Variants in LIPI observed in about 807,000 individuals in gnomAD.
LIPI encodes the protein lipase member I.
LIPI carries 59 observed loss-of-function variants against 50.6 expected under a neutral mutation model. The observed-to-expected ratio is 1.16, with a 90% confidence interval of 0.94 to 1.45. The LOEUF (loss-of-function observed/expected upper bound fraction) is 1.45. LIPI is among the 40% of genes most tolerant of loss of function. LIPI has a pLI of 0.00. For missense variants in LIPI, 586 were observed against 536.3 expected (o/e 1.09, Z -0.92); for synonymous variants, 203 against 178.2 (o/e 1.14, Z -1.11).
chr21:14,179,346 G>A (rs1398927045), intron 4 of LIPI, among the ~76,000 whole-genome samples: 1 of 151,996 alleles, frequency 6.6e-6, no homozygotes, highest in African/African-American at 2.4e-5. Context: ...AGGTACATAT[G>A]CAGCATCAAA....
rs142933205 is a variant in LIPI at position 14,204,550 on chromosome 21, C to T, written c.46+6250G>A. 8.6e-5 allele frequency among the ~76,000 whole-genome samples: 13 copies of T among 151,910 alleles called. No homozygotes were observed. The East Asian group carries it at 1.9e-3, about 23-fold the overall frequency. ...GAAACTGTATAAGAAAAATAAATGA[C>T]ATTTTGAAGATAATAGGACCATGAT... On this transcript the variant is annotated intron_variant, in intron 1 of 9. Coordinates refer to ENST00000681601, the MANE Select transcript of LIPI (RefSeq NM_001302998.2).
intron 9 of LIPI, among the ~76,000 whole-genome samples, chr21:14,123,833 G>A (rs1245948250): frequency 6.6e-6 from 1 of 152,166 alleles, no homozygotes; most frequent in Non-Finnish European, 1.5e-5. Context: ...TCAAATGAGA[G>A]ACACTATATA....
intron 9 of LIPI, among the ~76,000 whole-genome samples, chr21:14,123,575 T>G (rs1268779057): frequency 1.3e-5 from 2 of 152,098 alleles, no homozygotes; most frequent in African/African-American, 2.4e-5. Flanking sequence ...TTTACTCAGA[T>G]AAGTACTGTA....
intron 9 of LIPI, among the ~76,000 whole-genome samples, chr21:14,140,774 C>A (rs558405433): frequency 1.3e-5 from 2 of 152,212 alleles, no homozygotes; most frequent in South Asian, 4.1e-4. Flanking sequence ...TATTCTTCCT[C>A]AAGCATCAAA....
Position 14,125,619 on chromosome 21 carries a change from G to A in LIPI, c.1296-16539C>T, listed in dbSNP as rs145070729. On this transcript the variant is annotated intron_variant, in intron 9 of 9. Transcript: ENST00000681601. ...GTCACCCAGCCTGGAGAGCAGTGGC[G>A]CGATCTCTGCTCACTGCAACCTCTG... Among the ~76,000 whole-genome samples, 748 of 152,272 alleles carry A rather than the reference G, an allele frequency of 4.9e-3. 4 individuals are homozygous for A. The highest frequency in any genetic ancestry group is 0.017 in the African/African-American group (701 of 41,552).
intron 9 of LIPI, among the ~76,000 whole-genome samples, chr21:14,125,541 G>C (rs1331787431): frequency 6.6e-6 from 1 of 152,086 alleles, no homozygotes; most frequent in East Asian, 1.9e-4. Flanking sequence ...AGATGATAGT[G>C]TTTTGTTTTG....
At chr21:14,207,569 C>G (rs550265606) in intron 1 of LIPI, among the ~76,000 whole-genome samples, 1 of 152,086 alleles carries the variant, frequency 6.6e-6, no homozygotes, top group South Asian at 2.1e-4. Context: ...CCAGGAATTC[C>G]CAAGAATGAT....
intron 1 of LIPI, among the ~76,000 whole-genome samples, chr21:14,189,634 TGG>T (rs2019594797): frequency 6.6e-6 from 1 of 152,170 alleles, no homozygotes; most frequent in African/African-American, 2.4e-5. Context: ...TAAATGTGAT[TGG>T]TTAAAAAATT....
chr21:14,179,969 G>A (rs11908737), intron 4 of LIPI, among the ~76,000 whole-genome samples: 2,661 of 152,206 alleles, frequency 0.017, 76 homozygotes, highest in African/African-American at 0.054. Context: ...ATAAACGGAC[G>A]TGCAAGCAGG....
chr21:14,144,403 G>A (rs2017825636), intron 9 of LIPI: 1 of 383,578 alleles, frequency 2.6e-6, no homozygotes, highest in African/African-American at 2.1e-5. Flanking sequence ...ATGATTGTGT[G>A]TATTTTTTCT....
At chr21:14,166,737 G>A (rs976555696) in intron 4 of LIPI, among the ~76,000 whole-genome samples, 1 of 152,210 alleles carries the variant, frequency 6.6e-6, no homozygotes, top group Non-Finnish European at 1.5e-5. Context: ...CAGCCAAGAT[G>A]GCCGAATAGG....
intron 9 of LIPI, among the ~76,000 whole-genome samples, chr21:14,110,961 A>T (rs1318873600): frequency 2.0e-5 from 3 of 148,446 alleles, no homozygotes; most frequent in Non-Finnish European, 4.5e-5. Flanking sequence ...TAATATACAT[A>T]TTATATTTTT....
intron 1 of LIPI, among the ~76,000 whole-genome samples, chr21:14,204,707 C>G (rs917365030): frequency 6.6e-6 from 1 of 151,798 alleles, no homozygotes; most frequent in East Asian, 1.9e-4. Flanking sequence ...CAATTAAAAG[C>G]AGTCAAAGGT....
Position 14,189,338 on chromosome 21 carries a change from G to T in LIPI, c.128C>A (p.Thr43Asn). The change falls in exon 2 of 10, where the codon ACC becomes AAC. Residue 43 changes from threonine to asparagine, a missense_variant. Physicochemically the swap from Thr to Asn is moderately conservative, Grantham distance 65. Transcript: ENST00000681601. ...GTTCCTTGTATACATCATCAGAATGGTCTCTATTCTCGGAATAAATAAATC... is the reference window on the plus strand; with the variant it reads ...GTTCCTTGTATACATCATCAGAATGTTCTCTATTCTCGGAATAAATAAATC... ...FRDLFIPRIE[T>N]ILMMYTRNNL... 1.9e-6 allele frequency: 3 copies of T among 1,612,296 alleles called. No homozygotes were observed. Among genetic ancestry groups the T allele is most frequent in the East Asian group, 2.2e-5 (1 of 44,858 alleles).
intron 8 of LIPI, among the ~76,000 whole-genome samples, chr21:14,146,772 ATTTTTTT>A (rs3048482): frequency 1.5e-3 from 107 of 73,386 alleles, no homozygotes; most frequent in Middle Eastern, 0.01. Flanking sequence ...CCCAGTCTCT[ATTTTTTT>A]TTTTTTTTTT....
intron 9 of LIPI, among the ~76,000 whole-genome samples, chr21:14,113,380 T>C (rs1420234182): frequency 6.6e-6 from 1 of 152,126 alleles, no homozygotes; most frequent in Non-Finnish European, 1.5e-5. Flanking sequence ...TATAAAGAGG[T>C]GAGAACTACG....
At position 14,164,174 on chromosome 21, in the gene LIPI, C is replaced by G. The variant is rs200439893; in HGVS notation, c.902-651G>C. On this transcript the variant is annotated intron_variant, in intron 6 of 9. Transcript: ENST00000681601. ...CATGTATTTCTTTGTTCCCACATTG[C>G]TACCTCCAAATTTGAGATTTGAATA... is the stretch of plus-strand genomic sequence containing the variant. Among the ~76,000 whole-genome samples, 104 of 151,946 alleles carry G rather than the reference C, an allele frequency of 6.8e-4. No homozygotes were observed. The East Asian group carries it at 9.3e-3, about 14-fold the overall frequency.
intron 1 of LIPI, among the ~76,000 whole-genome samples, chr21:14,195,520 C>G (rs913801572): frequency 6.6e-6 from 1 of 152,062 alleles, no homozygotes; most frequent in African/African-American, 2.4e-5. Context: ...TTCATTCAGC[C>G]TCATTATCTG....
chr21:14,193,900 T>A (rs184525523), intron 1 of LIPI, among the ~76,000 whole-genome samples: 4 of 152,238 alleles, frequency 2.6e-5, no homozygotes, highest in Non-Finnish European at 5.9e-5. Context: ...ATGGATTAAT[T>A]AATTAATATC....
Sources: allele counts gnomAD v4.1 joint callset (sites outside exome capture counted in the v4.1 genomes callset), GRCh38; gene constraint gnomAD v4.1.1; transcripts MANE v1.5; gene names NCBI Gene and HGNC (gene_info 2026-07-23, HGNC 2026-07-21).